SLC25A12: variants seen among roughly 807,000 people sequenced by gnomAD.
SLC25A12 encodes the protein solute carrier family 25 member 12.
A neutral mutation model predicts 83.3 loss-of-function variants in SLC25A12; 32 were observed. The observed-to-expected ratio is 0.38, with a 90% CI of 0.29 to 0.52. The LOEUF (loss-of-function observed/expected upper bound fraction) is 0.52. SLC25A12 is among the 20% of genes least tolerant of loss of function. The pLI, the probability that SLC25A12 is intolerant of heterozygous loss-of-function variation, is 0.84. For synonymous variants in SLC25A12, 267 were observed against 291.1 expected (o/e 0.92, Z 0.84); for missense variants, 611 against 835.6 (o/e 0.73, Z 3.31).
At chr2:171,866,096 C>G (rs1376278699) in intron 3 of SLC25A12, among the ~76,000 whole-genome samples, 1 of 122,758 alleles carries the variant, frequency 8.1e-6, no homozygotes, top group East Asian at 2.2e-4. Context: ...CATCTTGCAC[C>G]GCCCTTAATC....
chr2:171,790,855 G>A (rs1252934482), intron 15 of SLC25A12, among the ~76,000 whole-genome samples: 2 of 151,900 alleles, frequency 1.3e-5, no homozygotes, highest in Non-Finnish European at 2.9e-5. Flanking sequence ...GGGACTACAG[G>A]CACGCACCAC....
In SLC25A12 at chr2:171,791,503, A is replaced by C. The variant is rs774997369; in HGVS notation, c.1533T>G (p.Asp511Glu). 23 of 1,613,980 alleles carry C rather than the reference A, an allele frequency of 1.4e-5. No individual in the cohort carries two copies. The highest frequency in any genetic ancestry group is 1.9e-5 in the Non-Finnish European group (22 of 1,179,952). The change falls in exon 15 of 18, where the codon GAT (aspartate) becomes GAG (glutamate). Residue 511 changes from aspartate (D) to glutamate (E), a missense_variant. Physicochemically the swap from Asp to Glu is conservative, Grantham distance 45. Coordinates refer to ENST00000422440, the MANE Select transcript of SLC25A12 (RefSeq NM_003705.5). Reference sequence around the variant, plus strand: ...TTAAACCTCCCACGTGTCCATTTTCATCAGCCAGAAGTAGTTTGCAATGAG... The same window carrying C: ...TTAAACCTCCCACGTGTCCATTTTCCTCAGCCAGAAGTAGTTTGCAATGAG... ...VYAHCKLLLADENGHVGGLNL... is the reference protein window; with the variant it reads ...VYAHCKLLLAEENGHVGGLNL...
At chr2:171,785,578 T>C in intron 17 of SLC25A12, 103 bp from the exon 18 acceptor site, 1 of 1,035,362 alleles carries the variant, frequency 9.7e-7, no homozygotes, top group Non-Finnish European at 1.5e-6. Flanking sequence ...AAGAAGAATG[T>C]TTCTCTCAAC....
intron 5 of SLC25A12, among the ~76,000 whole-genome samples, chr2:171,841,983 G>C (rs1290273229): frequency 1.3e-5 from 2 of 152,238 alleles, no homozygotes; most frequent in African/African-American, 2.4e-5. Context: ...TTCTCAAAAA[G>C]TTAAACAGAA....
intron 2 of SLC25A12, among the ~76,000 whole-genome samples, chr2:171,879,900 C>G (rs921178994): frequency 7.2e-5 from 11 of 152,166 alleles, no homozygotes; most frequent in Non-Finnish European, 1.3e-4. Context: ...ATGTATGAAT[C>G]TAGCTTGGAT....
At chr2:171,840,291 G>C (rs1043588544) in intron 5 of SLC25A12, among the ~76,000 whole-genome samples, 5 of 151,824 alleles carry the variant, frequency 3.3e-5, no homozygotes, top group Admixed American at 2.0e-4. Flanking sequence ...AGGCCGAGGT[G>C]AAAGGATCCC....
chr2:171,887,692 G>T (rs1308268028), intron 2 of SLC25A12, among the ~76,000 whole-genome samples: 1 of 152,074 alleles, frequency 6.6e-6, no homozygotes, highest in East Asian at 1.9e-4. Flanking sequence ...GGTGAGAGAG[G>T]TTAAAAGAAA....
rs1214358364 is a variant in SLC25A12, at chr2:171,856,211, T to C, written c.210-262A>G. On this transcript the variant is annotated intron_variant, in intron 3 of 17. Coordinates refer to ENST00000422440, the MANE Select transcript of SLC25A12 (RefSeq NM_003705.5). ...AGAGAGAGAACCAGGCAAAATATAA[T>C]TAAACCTGAATCTGATCAAGTCTCT... is the stretch of plus-strand genomic sequence containing the variant. Among the ~76,000 whole-genome samples the C allele has an allele frequency of 2.0e-5, 3 of 152,224 alleles. No homozygotes were observed. The East Asian group carries it at 5.8e-4, about 29-fold the overall frequency.
chr2:171,889,493 T>A (rs1203554544), intron 2 of SLC25A12, among the ~76,000 whole-genome samples: 1 of 152,208 alleles, frequency 6.6e-6, no homozygotes, highest in African/African-American at 2.4e-5. Context: ...CTACTTCCAA[T>A]CTCTTCATAC....
At chr2:171,861,115 A>T (rs1685149629) in intron 3 of SLC25A12, among the ~76,000 whole-genome samples, 1 of 150,932 alleles carries the variant, frequency 6.6e-6, no homozygotes, top group Admixed American at 6.6e-5. Context: ...ATAAAAATAA[A>T]AATAAATAAT....
At chr2:171,803,834 C>T (rs765776467) in intron 13 of SLC25A12, among the ~76,000 whole-genome samples, 6 of 125,460 alleles carry the variant, frequency 4.8e-5, no homozygotes, top group South Asian at 2.3e-4. Context: ...CACACACACG[C>T]GCGCACACAC....
At chr2:171,871,983 T>G (rs202062887) in intron 2 of SLC25A12, among the ~76,000 whole-genome samples, 2 of 147,132 alleles carry the variant, frequency 1.4e-5, no homozygotes, top group African/African-American at 5.1e-5. Flanking sequence ...AGAACAAAAA[T>G]AAAAAGACGT....
intron 13 of SLC25A12, among the ~76,000 whole-genome samples, chr2:171,807,875 C>T (rs1464237698): frequency 6.6e-6 from 1 of 152,204 alleles, no homozygotes; most frequent in Non-Finnish European, 1.5e-5. Flanking sequence ...AGCAGTCCAC[C>T]TCTTCCAAAG....
rs1574012484 is a variant in SLC25A12, at chr2:171,891,573, G to A, written c.66+1632C>T. On this transcript the variant is annotated intron_variant, in intron 2 of 17. Transcript: ENST00000422440. Reference sequence around the variant, plus strand: ...AAATGCAGGGCTGGGAATTAACTCCGTATTCCTAGGCAGTACTCAGATACC... The same window carrying A: ...AAATGCAGGGCTGGGAATTAACTCCATATTCCTAGGCAGTACTCAGATACC... Among the ~76,000 whole-genome samples, 3 of 152,112 alleles carry A rather than the reference G, an allele frequency of 2.0e-5. No homozygotes were observed. The East Asian group carries it at 5.8e-4, about 29-fold the overall frequency.
intron 17 of SLC25A12, among the ~76,000 whole-genome samples, chr2:171,787,145 G>A (rs922314375): frequency 1.3e-5 from 2 of 152,006 alleles, no homozygotes; most frequent in African/African-American, 4.8e-5. Flanking sequence ...GCAACACAGT[G>A]AGATCCCATC....
intron 3 of SLC25A12, among the ~76,000 whole-genome samples, chr2:171,856,868 G>A (rs1310380479): frequency 6.6e-6 from 1 of 152,066 alleles, no homozygotes; most frequent in Non-Finnish European, 1.5e-5. Context: ...TTTTTTGGTT[G>A]TTGTTAAGCA....
At chr2:171,810,376 C>T in intron 11 of SLC25A12, 100 bp from the exon 12 acceptor site, 3 of 934,530 alleles carry the variant, frequency 3.2e-6, no homozygotes, top group Non-Finnish European at 5.3e-6. Context: ...ACCCATCAAA[C>T]ATTGCAGAGT....
At chr2:171,843,957 G>A (rs111616706) in intron 5 of SLC25A12, among the ~76,000 whole-genome samples, 5 of 151,998 alleles carry the variant, frequency 3.3e-5, no homozygotes, top group South Asian at 2.1e-4. Flanking sequence ...CACCACACCC[G>A]GCTAATTTTA....
At chr2:171,836,839 A>G (rs1448898557) in intron 6 of SLC25A12, among the ~76,000 whole-genome samples, 13 of 152,138 alleles carry the variant, frequency 8.5e-5, no homozygotes, top group Admixed American at 8.5e-4. Flanking sequence ...AACAATTTGG[A>G]AATAGATGAC....
Sources: gnomAD v4.1 joint callset for allele counts (sites outside exome capture counted in the v4.1 genomes callset) on GRCh38, gnomAD v4.1.1 for gene constraint, MANE v1.5 for transcripts, NCBI Gene and HGNC (gene_info 2026-07-23, HGNC 2026-07-21) for gene names.